Variants in PAX9 observed in about 807,000 individuals in gnomAD.
PAX9 encodes the protein paired box protein Pax-9.
PAX9 carries 6 observed loss-of-function variants against 29.1 expected under a neutral mutation model. The observed-to-expected ratio is 0.21, with a 90% confidence interval of 0.11 to 0.41. The LOEUF is 0.41. PAX9 is among the 10% of genes least tolerant of loss of function. The pLI, the probability that PAX9 is intolerant of heterozygous loss-of-function variation, is 1.00. For synonymous variants in PAX9, 217 were observed against 211.7 expected, an observed-to-expected ratio of 1.03 and a Z score of -0.22; for missense variants, 443 against 479.1, an observed-to-expected ratio of 0.92 and a Z score of 0.70.
At chr14:36,662,190 C>T in intron 1 of PAX9, 97 bp downstream of exon 1, 1 of 1,301,214 alleles carries the variant, frequency 7.7e-7, no homozygotes, top group Non-Finnish European at 1.0e-6. Context: ...GGGCGCGCGC[C>T]ACTAGGCGCT....
At chr14:36,659,917 A>T (rs1881192402), upstream of PAX9, among the ~76,000 whole-genome samples, 1 of 152,166 alleles carries the variant, frequency 6.6e-6, no homozygotes. Context: ...CCCCCGCGGG[A>T]CATGAGGTCT....
At chr14:36,668,215 C>G (rs931215281) in intron 3 of PAX9, among the ~76,000 whole-genome samples, 1 of 152,002 alleles carries the variant, frequency 6.6e-6, no homozygotes, top group Non-Finnish European at 1.5e-5. Flanking sequence ...ATATAAAGCA[C>G]CTACCATAGA....
intron 3 of PAX9, among the ~76,000 whole-genome samples, chr14:36,673,029 C>A (rs1356605038): frequency 6.6e-6 from 1 of 151,556 alleles, no homozygotes; most frequent in Non-Finnish European, 1.5e-5. Context: ...CCACACCCGG[C>A]TAATTTTTGC....
chr14:36,676,723 TTAACA>T lies in PAX9; in HGVS notation c.*277_*281del, dbSNP rs879716873. On this transcript the variant is annotated 3_prime_UTR_variant, in exon 4 of 4. Transcript: ENST00000361487. Reference sequence around the variant, plus strand: ...ACATTTGTGTTGCCCACATACTGTCTTAACATAACAAAGAAACCTACACCCCTCAA... The same window carrying T: ...ACATTTGTGTTGCCCACATACTGTCTTAACAAAGAAACCTACACCCCTCAA... 2.8e-5 allele frequency: 14 copies of T among 495,596 alleles called. No homozygotes were observed. In the Admixed American group the frequency reaches 3.9e-4, roughly 14 times the overall value. The allele number at this position is 495,596 out of a possible 1,614,324, so 30.7% of individuals were successfully genotyped here.
At chr14:36,672,787 T>TG (rs1223659469) in intron 3 of PAX9, among the ~76,000 whole-genome samples, 7 of 149,536 alleles carry the variant, frequency 4.7e-5, no homozygotes, top group East Asian at 3.9e-4. Context: ...TTATGTTTGT[T>TG]TTTTTTTTTA....
intron 3 of PAX9, among the ~76,000 whole-genome samples, chr14:36,670,736 TA>T (rs958236234): frequency 6.6e-6 from 1 of 152,096 alleles, no homozygotes; most frequent in Non-Finnish European, 1.5e-5. Flanking sequence ...CAGTAAAATG[TA>T]TTGTATAAAA....
rs772970706 is a variant in PAX9 at position 36,663,285 on chromosome 14, C to T, written c.393C>T (p.Ile131=). Residue 131 remains isoleucine (I), a synonymous_variant, in exon 2 of 4, where the codon ATC becomes ATT. Transcript: ENST00000361487. Reference sequence around the variant, plus strand: ...TCAGCCGCATTCTGCGCAACAAGATCGGCAACTTGGCCCAGCAGGGTCATT... The same window carrying T: ...TCAGCCGCATTCTGCGCAACAAGATTGGCAACTTGGCCCAGCAGGGTCATT... The part of the protein sequence containing the change: ...SSISRILRNK[I]GNLAQQGHYD... 4 of 1,614,206 alleles carry T rather than the reference C, an allele frequency of 2.5e-6. No homozygotes were observed. The highest frequency in any genetic ancestry group is 2.2e-5 in the East Asian group (1 of 44,876).
At chr14:36,675,778 G>T (rs779827728) in intron 3 of PAX9, among the ~76,000 whole-genome samples, 2 of 152,148 alleles carry the variant, frequency 1.3e-5, no homozygotes, top group Non-Finnish European at 2.9e-5. Flanking sequence ...ATACCAACCA[G>T]GCCTGTCACA....
chr14:36,666,154 C>T (rs546638434), intron 2 of PAX9: 1 of 386,346 alleles, frequency 2.6e-6, no homozygotes, highest in East Asian at 4.7e-5. Flanking sequence ...TTCTTCCACT[C>T]CTTTGCCCTG....
Position 36,677,671 on chromosome 14 carries a change from G to C in PAX9, c.*1219G>C, listed in dbSNP as rs1316049141. On this transcript the variant is annotated 3_prime_UTR_variant, in exon 4 of 4. Coordinates refer to ENST00000361487, the MANE Select transcript of PAX9 (RefSeq NM_001372076.1). Reference sequence around the variant, plus strand: ...AATGAATGTAACAATGGCTTGCTGTGAAGTTTACATTGTTGTACAGAAGCA... The same window carrying C: ...AATGAATGTAACAATGGCTTGCTGTCAAGTTTACATTGTTGTACAGAAGCA... 6.6e-6 allele frequency: 1 copy of C among 152,204 alleles called. No individual in the cohort carries two copies. 9.4% of individuals were successfully genotyped at this position (152,204 alleles called of 1,614,324 possible).
At position 36,663,081 on chromosome 14, in the gene PAX9, G is replaced by A. The variant is rs756776471; in HGVS notation, c.189G>A (p.Thr63=). Residue 63 remains threonine (T), a synonymous_variant, in exon 2 of 4, where the codon ACG becomes ACA. Coordinates refer to ENST00000361487, the MANE Select transcript of PAX9 (RefSeq NM_001372076.1). ...AGATCCTGGCGCGATACAACGAGACGGGCTCGATCTTGCCAGGAGCCATCG... is the reference window on the plus strand; with the variant it reads ...AGATCCTGGCGCGATACAACGAGACAGGCTCGATCTTGCCAGGAGCCATCG... ...VSKILARYNE[T]GSILPGAIGG... 6.2e-7 allele frequency: 1 copy of A among 1,613,910 alleles called. No homozygotes were observed. Among genetic ancestry groups the A allele is most frequent in the South Asian group, 1.1e-5 (1 of 91,078 alleles).
In PAX9 at chr14:36,679,284, T is replaced by C. The variant is rs550721306; in HGVS notation, c.*2832T>C. ...TTGGAAAGGATGTACAACAGAAGGC[T>C]ATGTATGTATATACAGTATGTCAAA... is the stretch of plus-strand genomic sequence containing the variant. On this transcript the variant is annotated 3_prime_UTR_variant, in exon 4 of 4. Coordinates refer to ENST00000361487, the MANE Select transcript of PAX9 (RefSeq NM_001372076.1). The C allele has an allele frequency of 5.7e-5, 56 of 978,554 alleles. No individual in the cohort carries two copies. In the African/African-American group the frequency reaches 9.4e-4, roughly 17 times the overall value. The allele number at this position is 978,554 out of a possible 1,614,324, so 60.6% of individuals were successfully genotyped here. A position where few individuals can be genotyped will look rare whatever the true frequency, so the allele number is the denominator to read the frequency against.
At chr14:36,661,225 A>T (rs1881250897), upstream of PAX9, among the ~76,000 whole-genome samples, 1 of 152,150 alleles carries the variant, frequency 6.6e-6, no homozygotes, top group African/African-American at 2.4e-5. Context: ...TGGCCGGTCC[A>T]CCTGGACTGG....
Position 36,679,160 on chromosome 14 carries a change from CAG to C in PAX9, c.*2712_*2713del. ...GCAAGGATAGAATGCAGTTGTGCAA[CAG>C]AGACACATTCTTATTTCTTTTTTTT... is the stretch of plus-strand genomic sequence containing the variant. On this transcript the variant is annotated 3_prime_UTR_variant, in exon 4 of 4. Transcript: ENST00000361487. 2.0e-6 allele frequency: 2 copies of C among 985,348 alleles called. No homozygotes were observed. The highest frequency in any genetic ancestry group is 2.4e-6 in the Non-Finnish European group (2 of 829,884). 61.0% of individuals were successfully genotyped at this position (985,348 alleles called of 1,614,324 possible).
Position 36,663,195 on chromosome 14 carries a change from G to A in PAX9, c.303G>A (p.Glu101=), listed in dbSNP as rs1191578972. 3 of 1,613,928 alleles carry A rather than the reference G, an allele frequency of 1.9e-6. No homozygotes were observed. The highest frequency in any genetic ancestry group is 2.2e-5 in the East Asian group (1 of 44,858). Reference sequence around the variant, plus strand: ...GAGACCCCGGCATCTTCGCCTGGGAGATCCGGGACCGCCTGCTGGCGGACG... The same window carrying A: ...GAGACCCCGGCATCTTCGCCTGGGAAATCCGGGACCGCCTGCTGGCGGACG... The part of the protein sequence containing the change: ...KQRDPGIFAW[E]IRDRLLADGV... Residue 101 remains glutamate (E), a synonymous_variant, in exon 2 of 4, where the codon GAG becomes GAA. Transcript: ENST00000361487.
chr14:36,669,163 C>G (rs930513097), intron 3 of PAX9, among the ~76,000 whole-genome samples: 1 of 152,106 alleles, frequency 6.6e-6, no homozygotes, highest in Admixed American at 6.5e-5. Context: ...GAAGATGTGC[C>G]AAGTTCAGCC....
At chr14:36,667,516 C>A (rs571889099) in intron 3 of PAX9, among the ~76,000 whole-genome samples, 8 of 152,282 alleles carry the variant, frequency 5.3e-5, no homozygotes, top group Admixed American at 3.3e-4. Context: ...AATTCCAAAG[C>A]CTCAAGCTAT....
rs956843855 is a variant in PAX9, at chr14:36,663,467, G to C, written c.575G>C (p.Trp192Ser). Residue 192 changes from tryptophan to serine, a missense_variant, in exon 2 of 4, where the codon TGG becomes TCG. By Grantham distance (177) the Trp-to-Ser change is radical. Coordinates refer to ENST00000361487, the MANE Select transcript of PAX9 (RefSeq NM_001372076.1). ...GGTTCGGTGGCCATGCCGCGCACCTGGCCCTCCTCGCACTCCGTCACCGAC... is the reference window on the plus strand; with the variant it reads ...GGTTCGGTGGCCATGCCGCGCACCTCGCCCTCCTCGCACTCCGTCACCGAC... ...IPGSVAMPRT[W>S]PSSHSVTDIL... The C allele has an allele frequency of 8.1e-6, 13 of 1,612,892 alleles. No homozygotes were observed. The highest frequency in any genetic ancestry group is 1.1e-5 in the Non-Finnish European group (13 of 1,179,862).
intron 2 of PAX9, among the ~76,000 whole-genome samples, chr14:36,664,380 G>A (rs1233880895): frequency 2.0e-5 from 3 of 149,892 alleles, no homozygotes; most frequent in Non-Finnish European, 4.4e-5. Context: ...CCGGGTCCCC[G>A]AGAATGCAAG....
Sources: allele counts gnomAD v4.1 joint callset (sites outside exome capture counted in the v4.1 genomes callset), GRCh38; gene constraint gnomAD v4.1.1; transcripts MANE v1.5; gene names NCBI Gene and HGNC (gene_info 2026-07-23, HGNC 2026-07-21).